The following TRMO variants were observed in gnomAD, a reference collection of about 807,000 sequenced individuals.
The protein encoded by TRMO is tRNA methyltransferase O, also known as tRNA (adenine(37)-N6)-methyltransferase.
TRMO carries 30 observed loss-of-function variants against 37.2 expected under a neutral mutation model. The observed-to-expected ratio is 0.81, with a 90% confidence interval of 0.60 to 1.09. The LOEUF (loss-of-function observed/expected upper bound fraction) is 1.09, where lower values mean the gene tolerates loss of function less well. Among genes scored for constraint, TRMO ranks in the 50% least tolerant of loss-of-function variants. The pLI is 0.00. For synonymous variants in TRMO, 239 were observed against 199.4 expected, an observed-to-expected ratio of 1.20 and a Z score of -1.67; for missense variants, 552 against 549.5, an observed-to-expected ratio of 1.00 and a Z score of -0.05.
At chr9:97,899,391 T>C in the TRMO span, among the ~76,000 whole-genome samples, 1 of 151,914 alleles carries the variant, frequency 6.6e-6, no homozygotes, top group Non-Finnish European at 1.5e-5. Flanking sequence ...CAAAACATCA[T>C]ATTGCTTGGT....
downstream of TRMO, among the ~76,000 whole-genome samples, chr9:97,903,387 G>T (rs7031386): frequency 0.73 from 110,341 of 152,194 alleles, 41,377 homozygotes; most frequent in East Asian, 0.92. Context: ...AGCCACAAAT[G>T]ACTCTGCACA....
At chr9:97,918,773 A>G (rs1826486615) in intron 1 of TRMO, among the ~76,000 whole-genome samples, 1 of 152,210 alleles carries the variant, frequency 6.6e-6, no homozygotes, top group Non-Finnish European at 1.5e-5. Flanking sequence ...TACACCACCC[A>G]TCCCAAAAAC....
chr9:97,920,921 G>A (rs1345202354), intron 1 of TRMO, among the ~76,000 whole-genome samples: 1 of 152,174 alleles, frequency 6.6e-6, no homozygotes, highest in Non-Finnish European at 1.5e-5. Flanking sequence ...TGGTACTCAA[G>A]TTTCTTCACA....
downstream of TRMO, among the ~76,000 whole-genome samples, chr9:97,903,706 T>A (rs57686941): frequency 6.6e-6 from 1 of 152,210 alleles, no homozygotes; most frequent in Non-Finnish European, 1.5e-5. Context: ...TTAACCATGA[T>A]TGCAACAAGA....
intron 2 of TRMO, among the ~76,000 whole-genome samples, chr9:97,915,175 A>G (rs1453674182): frequency 6.6e-6 from 1 of 152,230 alleles, no homozygotes; most frequent in African/African-American, 2.4e-5. Flanking sequence ...CACGGACAGA[A>G]TTTGAAATGA....
chr9:97,901,721 T>C (rs1831173675), downstream of TRMO, among the ~76,000 whole-genome samples: 1 of 149,394 alleles, frequency 6.7e-6, no homozygotes, highest in Admixed American at 6.7e-5. Flanking sequence ...TCTGGGTTCG[T>C]GGAATGAGCT....
intron 4 of TRMO, among the ~76,000 whole-genome samples, chr9:97,905,694 C>T (rs529522722): frequency 1.7e-4 from 26 of 152,158 alleles, no homozygotes; most frequent in Non-Finnish European, 3.7e-4. Flanking sequence ...CAGGAAGGTA[C>T]AGATCTTAAA....
intron 3 of TRMO, chr9:97,913,005 CTA>C (rs1564109888): frequency 6.7e-6 from 7 of 1,038,232 alleles, no homozygotes; most frequent in Admixed American, 2.3e-5. Context: ...TACCACCAGT[CTA>C]TGTGTTTTCC....
At chr9:97,918,086 T>C (rs892977600) in intron 1 of TRMO, among the ~76,000 whole-genome samples, 6 of 151,688 alleles carry the variant, frequency 4.0e-5, no homozygotes, top group African/African-American at 1.5e-4. Flanking sequence ...GTTTTTTCAA[T>C]AATCACAAAT....
In TRMO at chr9:97,913,434, C is replaced by G. The variant is rs775755150; in HGVS notation, c.376G>C (p.Gly126Arg). 31 of 1,613,878 alleles carry G rather than the reference C, an allele frequency of 1.9e-5. No individual in the cohort carries two copies. Among genetic ancestry groups the G allele is most frequent in the Non-Finnish European group, 2.5e-5 (30 of 1,179,884 alleles). ...TRSPHRPNAI[G>R]LTLAKLEKVE... ...TTTTCCAGCTTGGCCAGGGTCAGTC[C>G]TATTGCATTGGGACGATGAGGGCTC... The change falls in exon 3 of 5, where the codon GGA becomes CGA. Residue 126 changes from glycine (G) to arginine (R), a missense_variant. Physicochemically the swap from Gly to Arg is moderately radical, Grantham distance 125. Coordinates refer to ENST00000375119, the MANE Select transcript of TRMO (RefSeq NM_016481.5).
chr9:97,916,705 CTTTTTTT>C (rs555924368), intron 1 of TRMO, among the ~76,000 whole-genome samples: 1 of 124,620 alleles, frequency 8.0e-6, no homozygotes, highest in Non-Finnish European at 1.7e-5. Context: ...GTATTTCTTT[CTTTTTTT>C]TTTTTTTTTT....
In TRMO at chr9:97,910,173, T is replaced by C. The variant is rs1564107408; in HGVS notation, c.853A>G (p.Thr285Ala). The C allele has an allele frequency of 6.2e-7, 1 of 1,614,224 alleles. No homozygotes were observed. Among genetic ancestry groups the C allele is most frequent in the African/African-American group, 1.3e-5 (1 of 75,056 alleles). The change falls in exon 4 of 5, where the codon ACA (threonine) becomes GCA (alanine). Residue 285 changes from threonine (T) to alanine (A), a missense_variant. By Grantham distance (58) the Thr-to-Ala change is moderately conservative. Transcript: ENST00000375119. ...TCCACTCTTTCTAGCTTCTTGTCTG[T>C]ACCTTTCTCTGAAAAGCTCTTCTCT... ...CPEKSFSEKG[T>A]DKKLERVEGA... is the part of the protein sequence containing the mutation.
In TRMO at chr9:97,922,402, C is replaced by G; in HGVS notation, c.76+16G>C. 1 of 1,534,292 alleles carries G rather than the reference C, an allele frequency of 6.5e-7. No individual in the cohort carries two copies. The highest frequency in any genetic ancestry group is 8.9e-7 in the Non-Finnish European group (1 of 1,124,812). ...AAACCTCTCCAGAGTGTGGCACCGC[C>G]GGTGTTGGAAGTTACCTGTCTCCAG... On this transcript the variant is annotated intron_variant, in intron 1 of 4. Transcript: ENST00000375119.
chr9:97,913,498 A>G lies in TRMO; in HGVS notation c.312T>C (p.Pro104=). The stretch of plus-strand genomic sequence containing the variant: ...CTCCAGTCTTTGCACCATTCAGCCT[A>G]GGAGGCTGCACTTTTGCCTTACAGC... ...HLSCKAKVQP[P]RLNGAKTGVF... is the part of the protein sequence containing the mutation. Residue 104 remains proline (P), a synonymous_variant, in exon 3 of 5, where the codon CCT becomes CCC. Transcript: ENST00000375119. 6.2e-7 allele frequency: 1 copy of G among 1,614,096 alleles called. No individual in the cohort carries two copies. Among genetic ancestry groups the G allele is most frequent in the Non-Finnish European group, 8.5e-7 (1 of 1,179,946 alleles).
At chr9:97,898,569 T>C in the TRMO span, among the ~76,000 whole-genome samples, 2 of 152,000 alleles carry the variant, frequency 1.3e-5, no homozygotes, top group African/African-American at 4.8e-5. Context: ...AAAAATTTTG[T>C]TTTAGAGACG....
intron 1 of TRMO, among the ~76,000 whole-genome samples, chr9:97,920,032 T>C (rs905618048): frequency 1.3e-5 from 2 of 152,226 alleles, no homozygotes; most frequent in African/African-American, 4.8e-5. Flanking sequence ...CTATGAAATA[T>C]AAATGCTATT....
Position 97,904,748 on chromosome 9 carries a change from C to A in TRMO, c.1311G>T (p.Val437=), listed in dbSNP as rs773731012. 2 of 1,614,068 alleles carry A rather than the reference C, an allele frequency of 1.2e-6. No homozygotes were observed. The highest frequency in any genetic ancestry group is 8.5e-7 in the Non-Finnish European group (1 of 1,180,038). ...VHMTGPVGSL[V]SLGS ...GGGAGGCTCCTTAAGACCCTAGAGA[C>A]ACCAAGGACCCCACAGGGCCAGTCA... is the stretch of plus-strand genomic sequence containing the variant. Residue 437 remains valine (V), a synonymous_variant, in exon 5 of 5, where the codon GTG becomes GTT. Coordinates refer to ENST00000375119, the MANE Select transcript of TRMO (RefSeq NM_016481.5).
Position 97,910,096 on chromosome 9 carries a change from AG to A in TRMO, c.929del (p.Pro310LeufsTer20), listed in dbSNP as rs771753320. On this transcript the variant is annotated frameshift_variant, in exon 4 of 5. Coordinates refer to ENST00000375119, the MANE Select transcript of TRMO (RefSeq NM_016481.5). LOFTEE classifies it high-confidence loss of function. ...GSRAETQPMA[P>X]HCPAGRADGA... is the part of the protein sequence containing the mutation. The stretch of plus-strand genomic sequence containing the variant: ...CATCAGCCCTTCCAGCAGGGCAGTG[AG>A]GGGCCATGGGCTGTGTCTCTGCCCT... 3.2e-5 allele frequency: 52 copies of A among 1,613,968 alleles called. No homozygotes were observed. Among genetic ancestry groups the A allele is most frequent in the Non-Finnish European group, 4.3e-5 (51 of 1,179,966 alleles).
intron 1 of TRMO, among the ~76,000 whole-genome samples, chr9:97,919,636 A>G (rs187602240): frequency 3.3e-5 from 5 of 152,272 alleles, no homozygotes; most frequent in Non-Finnish European, 1.5e-5. Context: ...GTAATCAAAG[A>G]CTTCTGCCCT....
Sources: gnomAD v4.1 joint callset for allele counts (sites outside exome capture counted in the v4.1 genomes callset) on GRCh38, gnomAD v4.1.1 for gene constraint, MANE v1.5 for transcripts, NCBI Gene and HGNC (gene_info 2026-07-23, HGNC 2026-07-21) for gene names.